The following ACTG2 variants were observed in gnomAD, a reference collection of about 807,000 sequenced individuals.
ACTG2 encodes the protein actin, gamma-enteric smooth muscle.
Under a neutral mutation model 37.6 loss-of-function variants are expected in ACTG2, and 16 were observed. The observed-to-expected ratio is 0.43, with a 90% CI of 0.29 to 0.65. ACTG2 has a LOEUF of 0.65. Among genes scored for constraint, ACTG2 ranks in the 30% least tolerant of loss-of-function variants. The pLI is 0.18. For missense variants in ACTG2, 238 were observed against 490.9 expected, an observed-to-expected ratio of 0.48 and a Z score of 4.87; for synonymous variants, 181 against 179.9, an observed-to-expected ratio of 1.01 and a Z score of -0.05.
intron 4 of ACTG2, 53 bp from the exon 5 acceptor site, chr2:73,909,002 A>G: frequency 6.5e-7 from 1 of 1,538,922 alleles, no homozygotes; most frequent in Non-Finnish European, 9.0e-7. Context: ...CTACAGGCCA[A>G]GAAGTGCTGT....
At chr2:73,899,675 A>G (rs1455928079) in intron 1 of ACTG2, among the ~76,000 whole-genome samples, 1 of 152,188 alleles carries the variant, frequency 6.6e-6, no homozygotes, top group Non-Finnish European at 1.5e-5. Flanking sequence ...CCTGGGACAT[A>G]TTGCTGCCTC....
intron 8 of ACTG2, 118 bp downstream of exon 8, chr2:73,916,883 C>T: frequency 1.6e-6 from 2 of 1,239,580 alleles, no homozygotes; most frequent in East Asian, 2.6e-5. Flanking sequence ...GGTTCAATAT[C>T]ATCCTGGACT....
intron 1 of ACTG2, among the ~76,000 whole-genome samples, chr2:73,893,600 C>A (rs1679677501): frequency 6.6e-6 from 1 of 152,154 alleles, no homozygotes. Context: ...TTTCTGCAGT[C>A]CTTGAAGGCT....
chr2:73,916,611 C>T lies in ACTG2; in HGVS notation c.833C>T (p.Thr278Ile). The change falls in exon 8 of 9, where the codon ACA becomes ATA. Residue 278 changes from threonine to isoleucine, a missense_variant. By Grantham distance (89) the Thr-to-Ile change is moderately conservative. Coordinates refer to ENST00000345517, the MANE Select transcript of ACTG2 (RefSeq NM_001615.4). ...IGMESAGIHE[T>I]TYNSIMKCDI... ...ATGGAGTCCGCTGGAATTCATGAGA[C>T]AACCTACAATTCCATCATGAAGTGT... is the stretch of plus-strand genomic sequence containing the variant. 1.9e-6 allele frequency: 3 copies of T among 1,613,938 alleles called. 1 individual carries two copies. Among genetic ancestry groups the T allele is most frequent in the Non-Finnish European group, 2.5e-6 (3 of 1,179,926 alleles).
rs75603858 is a variant in ACTG2 at position 73,916,821 on chromosome 2, T to C, written c.987+56T>C. 4,791 of 1,570,520 alleles carry C rather than the reference T, an allele frequency of 3.1e-3. 146 individuals carry two copies. The African/African-American group carries it at 0.058, about 19-fold the overall frequency. On this transcript the variant is annotated intron_variant, in intron 8 of 8. Transcript: ENST00000345517. ...TTCTTTGTATAAAGTCTTGCCTACCTGGGAGTTCCTCGGAGGCAGACTGCC... is the reference window on the plus strand; with the variant it reads ...TTCTTTGTATAAAGTCTTGCCTACCCGGGAGTTCCTCGGAGGCAGACTGCC...
chr2:73,899,147 A>C (rs981560440), intron 1 of ACTG2, among the ~76,000 whole-genome samples: 2 of 151,970 alleles, frequency 1.3e-5, no homozygotes, highest in Non-Finnish European at 2.9e-5. Flanking sequence ...AAACCCACAT[A>C]TAGGAATTCA....
At chr2:73,913,170 C>CAAAAAAAAAA (rs58764001) in intron 5 of ACTG2, among the ~76,000 whole-genome samples, 3 of 102,466 alleles carry the variant, frequency 2.9e-5, no homozygotes, top group Non-Finnish European at 5.6e-5. Flanking sequence ...ACTCTGTCTC[C>CAAAAAAAAAA]AAAAAAAAAA....
chr2:73,902,721 C>T (rs894614713), intron 3 of ACTG2: 34 of 1,551,118 alleles, frequency 2.2e-5, no homozygotes, highest in African/African-American at 5.5e-5. Context: ...CCTCATTCAC[C>T]GAATTAATTC....
chr2:73,902,923 C>A, intron 3 of ACTG2: 1 of 748,396 alleles, frequency 1.3e-6, no homozygotes, highest in Non-Finnish European at 2.1e-6. Flanking sequence ...CAGTGCTCAC[C>A]CCTTCTTTAA....
chr2:73,895,470 T>C (rs1001417603), intron 1 of ACTG2, among the ~76,000 whole-genome samples: 1 of 152,212 alleles, frequency 6.6e-6, no homozygotes, highest in Admixed American at 6.5e-5. Context: ...AGACAATTTC[T>C]CTCTGCCAGG....
chr2:73,916,068 A>G (rs1157668815), intron 7 of ACTG2, among the ~76,000 whole-genome samples: 2 of 152,208 alleles, frequency 1.3e-5, no homozygotes, highest in Non-Finnish European at 2.9e-5. Context: ...CTTTAGAAAT[A>G]TGCTTCAGGC....
At chr2:73,898,775 CTTTCTTTTTTCT>C (rs1679807107) in intron 1 of ACTG2, among the ~76,000 whole-genome samples, 2 of 148,232 alleles carry the variant, frequency 1.3e-5, no homozygotes, top group South Asian at 2.2e-4. Context: ...CTAAACAGAG[CTTTCTTTTTTCT>C]TTTCTTTTTT....
In ACTG2 at chr2:73,919,714, T is replaced by A. The variant is rs543582139; in HGVS notation, c.*139T>A. Reference sequence around the variant, plus strand: ...TCTCATACACAGTGCTAAGGACTTTTCACACATTACTTTTAATCCATGCAA... The same window carrying A: ...TCTCATACACAGTGCTAAGGACTTTACACACATTACTTTTAATCCATGCAA... On this transcript the variant is annotated 3_prime_UTR_variant, in exon 9 of 9. Transcript: ENST00000345517. 169 of 900,762 alleles carry A rather than the reference T, an allele frequency of 1.9e-4. 1 individual carries two copies. The highest frequency in any genetic ancestry group is 2.4e-4 in the Non-Finnish European group (148 of 616,464). 55.8% of individuals were successfully genotyped at this position (900,762 alleles called of 1,614,324 possible).
rs562202696 is a variant in ACTG2 at position 73,902,839 on chromosome 2, C to T, written c.255+351C>T. 1.6e-4 allele frequency: 236 copies of T among 1,439,936 alleles called. 1 individual carries two copies. The African/African-American group carries it at 2.1e-3, about 13-fold the overall frequency. 89.2% of individuals were successfully genotyped at this position (1,439,936 alleles called of 1,614,324 possible). The stretch of plus-strand genomic sequence containing the variant: ...ATTAACCAACAGGGGGTTCCTAACT[C>T]CCCGTCTTGGCATTGGAGGACCTTT... On this transcript the variant is annotated intron_variant, in intron 3 of 8. Transcript: ENST00000345517.
At position 73,904,206 on chromosome 2, in the gene ACTG2, G is replaced by A. The variant is rs1309012252; in HGVS notation, c.255+1718G>A. ...GGAGGCTGCAGTGAGCTGTGTTCAC[G>A]CCACTGCACTCCAGCCTGGGTGATA... is the stretch of plus-strand genomic sequence containing the variant. On this transcript the variant is annotated intron_variant, in intron 3 of 8. Transcript: ENST00000345517. 1.1e-4 allele frequency among the ~76,000 whole-genome samples: 14 copies of A among 123,242 alleles called. 1 individual carries two copies. The highest frequency in any genetic ancestry group is 7.4e-4 in the East Asian group (3 of 4,060). The allele number at this position is 123,242 out of a possible 152,430, so 80.9% of individuals were successfully genotyped here. A position where few individuals can be genotyped will look rare whatever the true frequency, so the allele number is the denominator to read the frequency against.
chr2:73,908,309 A>G (rs1433419477), intron 3 of ACTG2: 1 of 474,298 alleles, frequency 2.1e-6, no homozygotes, highest in East Asian at 6.8e-5. Flanking sequence ...GGAATCTTCT[A>G]TCAGCCAAAT....
chr2:73,914,150 G>A (rs1282708387), intron 6 of ACTG2, among the ~76,000 whole-genome samples: 1 of 152,182 alleles, frequency 6.6e-6, no homozygotes, highest in Non-Finnish European at 1.5e-5. Context: ...AGTCCTGCAT[G>A]GGAATCAAGA....
At position 73,914,677 on chromosome 2, in the gene ACTG2, C is replaced by T. The variant is rs755478171; in HGVS notation, c.614-3C>T. On this transcript the variant is annotated splice_region_variant and splice_polypyrimidine_tract_variant and intron_variant, in intron 6 of 8. Coordinates refer to ENST00000345517, the MANE Select transcript of ACTG2 (RefSeq NM_001615.4). Reference sequence around the variant, plus strand: ...CACCTTCTGTCATTTCTGCTCCTTCCAGCTGAGAGAGAAATTGTGCGAGAC... The same window carrying T: ...CACCTTCTGTCATTTCTGCTCCTTCTAGCTGAGAGAGAAATTGTGCGAGAC... The T allele has an allele frequency of 2.5e-5, 40 of 1,569,848 alleles. No individual in the cohort carries two copies. In the South Asian group the frequency reaches 4.1e-4, roughly 16 times the overall value.
At chr2:73,903,732 G>A (rs1679940891) in intron 3 of ACTG2, among the ~76,000 whole-genome samples, 1 of 151,814 alleles carries the variant, frequency 6.6e-6, no homozygotes, top group Non-Finnish European at 1.5e-5. Flanking sequence ...ACAAAATCAG[G>A]AGCTTGAGAC....
Sources: allele counts gnomAD v4.1 joint callset (sites outside exome capture counted in the v4.1 genomes callset), GRCh38; gene constraint gnomAD v4.1.1; transcripts MANE v1.5; gene names NCBI Gene and HGNC (gene_info 2026-07-23, HGNC 2026-07-21).